The following ABI3BP variants were observed in gnomAD, a reference collection of about 807,000 sequenced individuals.
ABI3BP encodes the protein ABI family member 3 binding protein.
ABI3BP carries 216 observed loss-of-function variants against 268.6 expected under a neutral mutation model. The observed-to-expected ratio is 0.80, with a 90% CI of 0.72 to 0.90. The LOEUF (loss-of-function observed/expected upper bound fraction) is 0.90, where lower values mean the gene tolerates loss of function less well. Among genes scored for constraint, ABI3BP ranks in the 40% least tolerant of loss-of-function variants. The pLI is 0.00. For missense variants in ABI3BP, 2,090 were observed against 2,182.4 expected (o/e 0.96, Z 0.84); for synonymous variants, 730 against 730.0 (o/e 1.00, Z 0.00).
chr3:100,885,471 A>C (rs1405242347), intron 6 of ABI3BP, 65 bp downstream of exon 6: 2 of 908,036 alleles, frequency 2.2e-6, no homozygotes, highest in Admixed American at 3.0e-5. Context: ...TTATAATAAG[A>C]CTATTTCCTT....
At chr3:100,775,847 A>G (rs1464355595) in intron 59 of ABI3BP, among the ~76,000 whole-genome samples, 1 of 152,124 alleles carries the variant, frequency 6.6e-6, no homozygotes, top group Admixed American at 6.5e-5. Flanking sequence ...ATGGATTTGG[A>G]TGTTATTTTT....
intron 14 of ABI3BP, among the ~76,000 whole-genome samples, chr3:100,853,622 A>G (rs894487781): frequency 3.3e-5 from 5 of 152,182 alleles, no homozygotes; most frequent in Non-Finnish European, 1.5e-5. Flanking sequence ...ATTTTCCTAT[A>G]GTCTGTATTT....
intron 2 of ABI3BP, among the ~76,000 whole-genome samples, chr3:100,914,175 A>G (rs946163089): frequency 1.4e-4 from 21 of 148,174 alleles, no homozygotes; most frequent in African/African-American, 5.1e-4. Context: ...TTTCATGTGG[A>G]AAAAAAAAAC....
chr3:100,961,955 G>C (rs1425851455), intron 1 of ABI3BP, among the ~76,000 whole-genome samples: 1 of 152,130 alleles, frequency 6.6e-6, no homozygotes, highest in East Asian at 1.9e-4. Flanking sequence ...TCCTTCTGGA[G>C]ATATCTCAAC....
chr3:100,801,979 C>T (rs1560232255), intron 51 of ABI3BP, among the ~76,000 whole-genome samples: 1 of 152,126 alleles, frequency 6.6e-6, no homozygotes, highest in Non-Finnish European at 1.5e-5. Flanking sequence ...GGTGAATGTC[C>T]AATCAGGTTT....
intron 26 of ABI3BP, 54 bp downstream of exon 26, chr3:100,838,156 G>T: frequency 6.9e-7 from 1 of 1,450,996 alleles, no homozygotes; most frequent in East Asian, 2.5e-5. Context: ...AACATTTTCA[G>T]CAATGTTTCC....
intron 1 of ABI3BP, among the ~76,000 whole-genome samples, chr3:100,989,889 T>C (rs183632580): frequency 9.2e-5 from 14 of 152,322 alleles, no homozygotes; most frequent in Admixed American, 4.6e-4. Context: ...TATAAAACAA[T>C]GTGAAAATTC....
chr3:100,862,826 T>C lies in ABI3BP; in HGVS notation c.1210+12A>G, dbSNP rs754001930. ...CACAGCCTTAATATTAAATTTAAGG[T>C]ACTCTTATTACCCAATGTGCCCCTA... is the stretch of plus-strand genomic sequence containing the variant. On this transcript the variant is annotated intron_variant, in intron 13 of 67. Coordinates refer to ENST00000471714, the MANE Select transcript of ABI3BP (RefSeq NM_001375547.2). The C allele has an allele frequency of 3.3e-5, 50 of 1,521,200 alleles. No individual in the cohort carries two copies. In the African/African-American group the frequency reaches 4.5e-4, roughly 14 times the overall value. 94.2% of individuals were successfully genotyped at this position (1,521,200 alleles called of 1,614,324 possible).
intron 57 of ABI3BP, among the ~76,000 whole-genome samples, chr3:100,786,260 G>C (rs2097040589): frequency 6.6e-6 from 1 of 152,128 alleles, no homozygotes; most frequent in African/African-American, 2.4e-5. Context: ...GTCTACCTGT[G>C]CCCACCAGCC....
At chr3:100,923,568 A>G (rs2060917010) in intron 2 of ABI3BP, among the ~76,000 whole-genome samples, 1 of 152,180 alleles carries the variant, frequency 6.6e-6, no homozygotes, top group South Asian at 2.1e-4. Flanking sequence ...AACCCAACCA[A>G]CAAACACTGT....
chr3:100,788,933 G>A (rs2097125350), intron 56 of ABI3BP, among the ~76,000 whole-genome samples: 1 of 151,990 alleles, frequency 6.6e-6, no homozygotes, highest in Non-Finnish European at 1.5e-5. Flanking sequence ...TTCTGAACAA[G>A]CTCCAATGAG....
At position 100,823,504 on chromosome 3, in the gene ABI3BP, T is replaced by C. The variant is rs1376482240; in HGVS notation, c.2757A>G (p.Thr919=). 5.2e-6 allele frequency: 8 copies of C among 1,533,640 alleles called. No individual in the cohort carries two copies. Among genetic ancestry groups the C allele is most frequent in the Non-Finnish European group, 7.0e-6 (8 of 1,145,654 alleles). The change falls in exon 37 of 68, where the codon ACA becomes ACG. Residue 919 remains threonine (T), a synonymous_variant. Coordinates refer to ENST00000471714, the MANE Select transcript of ABI3BP (RefSeq NM_001375547.2). Reference sequence around the variant, plus strand: ...GTCTAAGAGTGACAGGTTCTAGGACTGTAGCAGGAACTGACCAAAACAACA... The same window carrying C: ...GTCTAAGAGTGACAGGTTCTAGGACCGTAGCAGGAACTGACCAAAACAACA... ...QAPETKPVPA[T]VLEPVTLRPE... is the part of the protein sequence containing the mutation.
At chr3:100,917,676 T>A (rs2059034530) in intron 2 of ABI3BP, among the ~76,000 whole-genome samples, 1 of 152,156 alleles carries the variant, frequency 6.6e-6, no homozygotes, top group African/African-American at 2.4e-5. Context: ...AAGTTAGATT[T>A]TGATCTCAGT....
In ABI3BP at chr3:100,862,293, A is replaced by C; in HGVS notation, c.1285+18T>G. The C allele has an allele frequency of 6.5e-7, 1 of 1,547,626 alleles. No individual in the cohort carries two copies. On this transcript the variant is annotated intron_variant, in intron 14 of 67. Coordinates refer to ENST00000471714, the MANE Select transcript of ABI3BP (RefSeq NM_001375547.2). ...TTCCTTGTTATAATCGATTTTTTTA[A>C]GAAAAGGATTTAATTACCAGTTTGA...
intron 1 of ABI3BP, among the ~76,000 whole-genome samples, chr3:100,974,574 G>T (rs1311647015): frequency 6.6e-6 from 1 of 152,146 alleles, no homozygotes; most frequent in East Asian, 1.9e-4. Flanking sequence ...TCAGATCAGT[G>T]GTTGCCAGAA....
chr3:100,811,773 G>C lies in ABI3BP; in HGVS notation c.3448C>G (p.Pro1150Ala). Reference protein sequence around the residue: ...IAPAKTDYVYPTAKAPLWPEE... With the variant: ...IAPAKTDYVYATAKAPLWPEE... ...GGCCAGAGTGGTGCTTTGGCAGTGG[G>C]ATATACATAGTCTGTTTTGGCTGGT... The change falls in exon 47 of 68, where the codon CCC (proline) becomes GCC (alanine). Residue 1150 changes from proline to alanine, a missense_variant. Transcript: ENST00000471714. 1 of 1,535,524 alleles carries C rather than the reference G, an allele frequency of 6.5e-7. No individual in the cohort carries two copies. Among genetic ancestry groups the C allele is most frequent in the Non-Finnish European group, 8.7e-7 (1 of 1,146,488 alleles).
At chr3:100,784,641 A>G (rs2096969904) in intron 57 of ABI3BP, among the ~76,000 whole-genome samples, 1 of 152,174 alleles carries the variant, frequency 6.6e-6, no homozygotes. Context: ...GTGACCATTG[A>G]CTAATAAGTA....
At chr3:100,950,954 T>C (rs1340093315) in intron 1 of ABI3BP, among the ~76,000 whole-genome samples, 1 of 151,932 alleles carries the variant, frequency 6.6e-6, no homozygotes, top group African/African-American at 2.4e-5. Context: ...CAACTGAGGA[T>C]AGGATGCGCC....
At chr3:100,914,911 A>C (rs569902284) in intron 2 of ABI3BP, among the ~76,000 whole-genome samples, 1 of 152,264 alleles carries the variant, frequency 6.6e-6, no homozygotes, top group South Asian at 2.1e-4. Flanking sequence ...TTTTACTCTC[A>C]TTCTGTGAGA....
Sources: gnomAD v4.1 joint callset for allele counts (sites outside exome capture counted in the v4.1 genomes callset) on GRCh38, gnomAD v4.1.1 for gene constraint, MANE v1.5 for transcripts, NCBI Gene and HGNC (gene_info 2026-07-23, HGNC 2026-07-21) for gene names.